ASTN1: variants seen among roughly 807,000 people sequenced by gnomAD.
ASTN1 encodes astrotactin 1.
A neutral mutation model predicts 140.7 loss-of-function variants in ASTN1; 41 were observed. That is an observed-to-expected ratio of 0.29 (90% CI 0.23 to 0.38). ASTN1 has a LOEUF of 0.38. ASTN1 is among the 10% of genes least tolerant of loss of function. The probability of loss-of-function intolerance (pLI) is 1.00; values close to 1 mark genes in which losing one functional copy is unlikely to be tolerated. For synonymous variants in ASTN1, 640 were observed against 652.2 expected, an observed-to-expected ratio of 0.98 and a Z score of 0.29; for missense variants, 1,479 against 1,678.8, an observed-to-expected ratio of 0.88 and a Z score of 2.08.
intron 1 of ASTN1, among the ~76,000 whole-genome samples, chr1:177,144,996 C>G (rs2102231868): frequency 6.6e-6 from 1 of 152,250 alleles, no homozygotes; most frequent in East Asian, 1.9e-4. Flanking sequence ...AAGCATTGAC[C>G]TAGCAGTTTT....
intron 16 of ASTN1, among the ~76,000 whole-genome samples, chr1:176,926,057 T>G (rs1670952911): frequency 1.3e-5 from 2 of 152,142 alleles, no homozygotes; most frequent in African/African-American, 2.4e-5. Context: ...TCTGTCCGCC[T>G]TGGCCTCCCA....
At chr1:177,043,708 T>A (rs1677080699) in intron 2 of ASTN1, among the ~76,000 whole-genome samples, 1 of 152,172 alleles carries the variant, frequency 6.6e-6, no homozygotes, top group Non-Finnish European at 1.5e-5. Flanking sequence ...GCTCAAGAAT[T>A]GTAGCAAAGG....
intron 8 of ASTN1, among the ~76,000 whole-genome samples, chr1:176,997,539 G>A (rs78584943): frequency 1.1e-3 from 163 of 152,068 alleles, no homozygotes; most frequent in African/African-American, 3.6e-3. Context: ...GATATCCTCC[G>A]AGGAGGACAC....
At chr1:176,916,096 C>T (rs745626900) in intron 16 of ASTN1, among the ~76,000 whole-genome samples, 5 of 152,164 alleles carry the variant, frequency 3.3e-5, no homozygotes, top group African/African-American at 4.8e-5. Flanking sequence ...TTAGAAAAGA[C>T]TCACCATTGA....
chr1:176,907,163 A>G (rs1484026721), intron 16 of ASTN1, among the ~76,000 whole-genome samples: 3 of 152,200 alleles, frequency 2.0e-5, no homozygotes, highest in African/African-American at 7.2e-5. Context: ...CCCTAAATCC[A>G]TGGAGCTGGA....
chr1:177,162,566 C>T (rs184559220), intron 1 of ASTN1, among the ~76,000 whole-genome samples: 2 of 152,332 alleles, frequency 1.3e-5, no homozygotes, highest in East Asian at 1.9e-4. Flanking sequence ...AGGCACATCA[C>T]AGCATTAGGC....
rs138010671 is a variant in ASTN1, at chr1:177,104,803, C to T, written c.284-43538G>A. Among the ~76,000 whole-genome samples the T allele has an allele frequency of 1.2e-3, 186 of 152,324 alleles. 3 individuals carry two copies. Among genetic ancestry groups the T allele is most frequent in the African/African-American group, 4.4e-3 (181 of 41,572 alleles). On this transcript the variant is annotated intron_variant, in intron 1 of 22. Coordinates refer to ENST00000361833, the MANE Select transcript of ASTN1 (RefSeq NM_004319.3). ...AGTGACCTTGGGGTCTAGACCGTTC[C>T]TCCTTCTTCTATCAGTAAGAGGAAA...
chr1:177,029,877 G>C (rs1424161819), intron 4 of ASTN1, 136 bp from the exon 5 acceptor site: 4 of 809,094 alleles, frequency 4.9e-6, no homozygotes, highest in Non-Finnish European at 7.7e-6. Context: ...ATAGCCAAGG[G>C]GGTTGGGGCT....
chr1:177,119,871 C>T (rs1430468616), intron 1 of ASTN1, among the ~76,000 whole-genome samples: 1 of 152,156 alleles, frequency 6.6e-6, no homozygotes, highest in Non-Finnish European at 1.5e-5. Context: ...TTCCAGATGG[C>T]TATCAACCAG....
chr1:176,997,869 C>T (rs1674529103), intron 8 of ASTN1, among the ~76,000 whole-genome samples: 1 of 151,950 alleles, frequency 6.6e-6, no homozygotes, highest in African/African-American at 2.4e-5. Context: ...TGGGCTGGGT[C>T]TTGGAGAATG....
chr1:176,975,169 G>T lies in ASTN1; in HGVS notation c.1524-9932C>A, dbSNP rs144052383. On this transcript the variant is annotated intron_variant, in intron 8 of 22. Transcript: ENST00000361833. Reference sequence around the variant, plus strand: ...AATCTTGAGTGGGTCAGAAAAAGCTGGTAATAGCAGCTGCCATTTATTGTG... The same window carrying T: ...AATCTTGAGTGGGTCAGAAAAAGCTTGTAATAGCAGCTGCCATTTATTGTG... 7.2e-5 allele frequency among the ~76,000 whole-genome samples: 11 copies of T among 152,340 alleles called. No individual in the cohort carries two copies. In the East Asian group the frequency reaches 1.9e-3, roughly 27 times the overall value.
intron 12 of ASTN1, 141 bp downstream of exon 12, chr1:176,949,044 C>A: frequency 8.2e-7 from 1 of 1,219,072 alleles, no homozygotes; most frequent in Non-Finnish European, 1.1e-6. Context: ...TGTTCCCCCC[C>A]AAGTCCTAGA....
chr1:176,952,061 C>T (rs371297458), intron 11 of ASTN1, among the ~76,000 whole-genome samples: 13 of 152,176 alleles, frequency 8.5e-5, no homozygotes, highest in South Asian at 8.3e-4. Flanking sequence ...CCATCTACTC[C>T]GCCATGCTGC....
intron 1 of ASTN1, among the ~76,000 whole-genome samples, chr1:177,069,792 G>T (rs1678546508): frequency 6.6e-6 from 1 of 151,682 alleles, no homozygotes; most frequent in Non-Finnish European, 1.5e-5. Context: ...GTGTTTCTCT[G>T]GATCTTTTCA....
intron 2 of ASTN1, among the ~76,000 whole-genome samples, chr1:177,044,399 G>C (rs1677119242): frequency 6.6e-6 from 1 of 152,112 alleles, no homozygotes; most frequent in African/African-American, 2.4e-5. Flanking sequence ...TGCAGGTAAA[G>C]AGTCTGTTAC....
At chr1:176,987,759 T>C (rs952222885) in intron 8 of ASTN1, among the ~76,000 whole-genome samples, 1 of 152,236 alleles carries the variant, frequency 6.6e-6, no homozygotes, top group African/African-American at 2.4e-5. Context: ...ATGTGCCTAA[T>C]GGCAGTGAGA....
At chr1:177,060,593 C>T (rs1678033901) in intron 2 of ASTN1, among the ~76,000 whole-genome samples, 1 of 152,196 alleles carries the variant, frequency 6.6e-6, no homozygotes, top group Admixed American at 6.5e-5. Flanking sequence ...TCACTGCAAC[C>T]TTCACCTCCT....
At chr1:176,917,692 A>G (rs1424040529) in intron 16 of ASTN1, among the ~76,000 whole-genome samples, 2 of 152,278 alleles carry the variant, frequency 1.3e-5, no homozygotes, top group Admixed American at 1.3e-4. Flanking sequence ...GCCGCAGTGC[A>G]AGGACACAGG....
intron 1 of ASTN1, among the ~76,000 whole-genome samples, chr1:177,126,557 A>G (rs1681660104): frequency 6.6e-6 from 1 of 152,196 alleles, no homozygotes; most frequent in South Asian, 2.1e-4. Context: ...GGAAGGGGCC[A>G]AGTGGATAAA....
Sources: gnomAD v4.1 joint callset for allele counts (sites outside exome capture counted in the v4.1 genomes callset) on GRCh38, gnomAD v4.1.1 for gene constraint, MANE v1.5 for transcripts, NCBI Gene and HGNC (gene_info 2026-07-23, HGNC 2026-07-21) for gene names.